Variants in FAF1 observed in about 807,000 individuals in gnomAD.
FAF1 encodes the protein Fas associated factor 1, also known as FAS-associated factor 1.
A neutral mutation model predicts 92.5 loss-of-function variants in FAF1; 25 were observed. That is an observed-to-expected ratio of 0.27 (90% confidence interval 0.20 to 0.38). The LOEUF (loss-of-function observed/expected upper bound fraction) is 0.38, where lower values mean the gene tolerates loss of function less well. Ranked by LOEUF, FAF1 falls within the 10% of genes least tolerant of loss-of-function variation. The probability of loss-of-function intolerance (pLI) is 1.00; values close to 1 mark genes in which losing one functional copy is unlikely to be tolerated. For synonymous variants in FAF1, 234 were observed against 273.2 expected (o/e 0.86, Z 1.42); for missense variants, 636 against 793.3 (o/e 0.80, Z 2.38).
chr1:50,795,538 A>G (rs1037910026), intron 3 of FAF1, among the ~76,000 whole-genome samples: 5 of 152,210 alleles, frequency 3.3e-5, no homozygotes, highest in Non-Finnish European at 5.9e-5. Flanking sequence ...TGGTTAGGAG[A>G]CAACCTCAAA....
intron 1 of FAF1, among the ~76,000 whole-genome samples, chr1:50,894,443 C>G (rs1018691325): frequency 6.6e-6 from 1 of 151,824 alleles, no homozygotes; most frequent in Non-Finnish European, 1.5e-5. Flanking sequence ...AAAATGCCAA[C>G]CAAGAGCCAA....
intron 1 of FAF1, among the ~76,000 whole-genome samples, chr1:50,895,174 T>C (rs1380785621): frequency 6.6e-6 from 1 of 151,790 alleles, no homozygotes; most frequent in Non-Finnish European, 1.5e-5. Context: ...AAGTCAGAGA[T>C]TAAAAAAAAT....
chr1:50,766,938 C>T (rs1314546939), intron 4 of FAF1, among the ~76,000 whole-genome samples: 2 of 152,096 alleles, frequency 1.3e-5, no homozygotes, highest in African/African-American at 2.4e-5. Flanking sequence ...CACAACCACA[C>T]TAGTTCCCCA....
intron 8 of FAF1, among the ~76,000 whole-genome samples, chr1:50,648,244 G>A (rs990912879): frequency 5.3e-5 from 8 of 152,112 alleles, no homozygotes; most frequent in African/African-American, 1.7e-4. Context: ...GGTGACAAGA[G>A]TGAAACTCCG....
intron 7 of FAF1, among the ~76,000 whole-genome samples, chr1:50,662,726 C>T (rs1655436848): frequency 7.9e-6 from 1 of 126,086 alleles, no homozygotes; most frequent in Non-Finnish European, 1.6e-5. Flanking sequence ...GACGGAGTCT[C>T]CCTCTGTCGC....
At chr1:50,589,082 G>A (rs1312514120) in intron 9 of FAF1, among the ~76,000 whole-genome samples, 1 of 152,206 alleles carries the variant, frequency 6.6e-6, no homozygotes, top group East Asian at 1.9e-4. Context: ...AGGGGCAGGA[G>A]CCAAGGGGCA....
At chr1:50,628,557 T>A (rs1653615644) in intron 8 of FAF1, among the ~76,000 whole-genome samples, 1 of 152,202 alleles carries the variant, frequency 6.6e-6, no homozygotes, top group African/African-American at 2.4e-5. Context: ...GGCTAACAGT[T>A]TTAGAGATGA....
At chr1:50,700,570 T>G (rs1657424721) in intron 7 of FAF1, among the ~76,000 whole-genome samples, 1 of 152,158 alleles carries the variant, frequency 6.6e-6, no homozygotes, top group Non-Finnish European at 1.5e-5. Flanking sequence ...AATTATTTAC[T>G]CTCTGCCTTT....
chr1:50,811,863 A>C (rs1047804562), intron 2 of FAF1, among the ~76,000 whole-genome samples: 1 of 152,154 alleles, frequency 6.6e-6, no homozygotes, highest in African/African-American at 2.4e-5. Context: ...CTGATACAAA[A>C]ACACATAGAC....
intron 2 of FAF1, among the ~76,000 whole-genome samples, chr1:50,819,634 T>TGACTCA (rs1553142939): frequency 3.5e-5 from 3 of 86,318 alleles, no homozygotes; most frequent in African/African-American, 1.3e-4. Context: ...ACTGACTGAC[T>TGACTCA]CACTCACACA....
chr1:50,956,525 ACAATCATAT>A (rs1645268116), intron 1 of FAF1, among the ~76,000 whole-genome samples: 1 of 152,266 alleles, frequency 6.6e-6, no homozygotes, highest in Non-Finnish European at 1.5e-5. Flanking sequence ...ATTGAGTCTC[ACAATCATAT>A]GATATAAACA....
chr1:50,508,502 C>T (rs547501532), intron 15 of FAF1, among the ~76,000 whole-genome samples: 2 of 152,214 alleles, frequency 1.3e-5, no homozygotes, highest in East Asian at 1.9e-4. Flanking sequence ...TTGTATGATT[C>T]CATTTATAAG....
chr1:50,930,631 C>G (rs1226316531), intron 1 of FAF1, among the ~76,000 whole-genome samples: 1 of 152,028 alleles, frequency 6.6e-6, no homozygotes, highest in Non-Finnish European at 1.5e-5. Context: ...GTCAGGAGAT[C>G]GAGACCATCC....
intron 7 of FAF1, among the ~76,000 whole-genome samples, chr1:50,683,292 C>T (rs934940422): frequency 2.6e-5 from 4 of 151,578 alleles, no homozygotes; most frequent in Admixed American, 6.6e-5. Flanking sequence ...TTTGGGAGGT[C>T]GATGCAGGTG....
chr1:50,749,537 G>C (rs1199379527), intron 4 of FAF1, among the ~76,000 whole-genome samples: 1 of 152,180 alleles, frequency 6.6e-6, no homozygotes, highest in East Asian at 1.9e-4. Flanking sequence ...TATAATCCCA[G>C]CACTTTGGGA....
chr1:50,489,635 G>A (rs1328289202), intron 17 of FAF1, among the ~76,000 whole-genome samples: 1 of 152,198 alleles, frequency 6.6e-6, no homozygotes, highest in East Asian at 1.9e-4. Flanking sequence ...GGAGCACATA[G>A]TACATATCCC....
intron 13 of FAF1, among the ~76,000 whole-genome samples, chr1:50,564,847 G>A (rs576389962): frequency 7.2e-5 from 11 of 151,824 alleles, no homozygotes; most frequent in Non-Finnish European, 1.2e-4. Flanking sequence ...CCCTTTTTGG[G>A]AATATGTCAT....
At chr1:50,862,757 A>G (rs1269972026) in intron 1 of FAF1, among the ~76,000 whole-genome samples, 1 of 151,942 alleles carries the variant, frequency 6.6e-6, no homozygotes, top group East Asian at 1.9e-4. Context: ...ATGAGAAAAA[A>G]ACAAACTTTA....
chr1:50,555,359 A>T (rs1557993297), intron 13 of FAF1, among the ~76,000 whole-genome samples: 3 of 152,098 alleles, frequency 2.0e-5, no homozygotes, highest in Admixed American at 1.3e-4. Context: ...GAGAAAATAC[A>T]TCCGACAAAG....
Sources: gnomAD v4.1 joint callset for allele counts (sites outside exome capture counted in the v4.1 genomes callset) on GRCh38, gnomAD v4.1.1 for gene constraint, MANE v1.5 for transcripts, NCBI Gene and HGNC (gene_info 2026-07-23, HGNC 2026-07-21) for gene names.